Variants in CSMD1 observed in about 807,000 individuals in gnomAD.
CSMD1 encodes the protein CUB and Sushi multiple domains 1, also known as CUB and sushi domain-containing protein 1.
CSMD1 carries 213 observed loss-of-function variants against 417.5 expected under a neutral mutation model. That is an observed-to-expected ratio of 0.51 (90% CI 0.46 to 0.57). CSMD1 has a LOEUF of 0.57. Ranked by LOEUF, CSMD1 falls within the 20% of genes least tolerant of loss-of-function variation. The pLI, the probability that CSMD1 is intolerant of heterozygous loss-of-function variation, is 0.00. For synonymous variants in CSMD1, 2,862 were observed against 1,736.8 expected, an observed-to-expected ratio of 1.65 and a Z score of -16.11; for missense variants, 6,923 against 4,529.7, an observed-to-expected ratio of 1.53 and a Z score of -15.17.
intron 2 of CSMD1, among the ~76,000 whole-genome samples, chr8:4,615,006 A>T (rs963830097): frequency 6.6e-6 from 1 of 152,174 alleles, no homozygotes; most frequent in Non-Finnish European, 1.5e-5. Flanking sequence ...CTGAAATCAG[A>T]ATTGGTGGAC....
chr8:3,259,128 A>C (rs553437756), intron 26 of CSMD1, among the ~76,000 whole-genome samples: 2 of 152,238 alleles, frequency 1.3e-5, no homozygotes, highest in Non-Finnish European at 2.9e-5. Flanking sequence ...ACAAATTATT[A>C]TTCCAAGGGC....
intron 4 of CSMD1, among the ~76,000 whole-genome samples, chr8:4,026,374 A>G (rs368294665): frequency 6.6e-6 from 1 of 152,226 alleles, no homozygotes; most frequent in African/African-American, 2.4e-5. Flanking sequence ...TGATAAAAGC[A>G]CACTGATCTC....
At chr8:3,358,807 T>C (rs774732181) in intron 21 of CSMD1, among the ~76,000 whole-genome samples, 13 of 152,180 alleles carry the variant, frequency 8.5e-5, no homozygotes, top group Non-Finnish European at 1.5e-4. Context: ...TGTGTTATTA[T>C]AGCTTGGCTT....
intron 34 of CSMD1, 94 bp from the exon 35 acceptor site, chr8:3,189,105 G>T: frequency 8.5e-7 from 1 of 1,182,290 alleles, no homozygotes; most frequent in South Asian, 1.9e-5. Context: ...CACACAGTAA[G>T]AGAAAATGTA....
chr8:4,488,550 G>A (rs539277290), intron 2 of CSMD1, among the ~76,000 whole-genome samples: 2 of 151,874 alleles, frequency 1.3e-5, no homozygotes, highest in African/African-American at 4.8e-5. Flanking sequence ...TGGTGGAGTC[G>A]GCAGCAGAGC....
intron 3 of CSMD1, among the ~76,000 whole-genome samples, chr8:4,405,212 C>G (rs879724305): frequency 9.9e-5 from 15 of 152,164 alleles, no homozygotes; most frequent in Admixed American, 2.0e-4. Flanking sequence ...TCAAAGGAGA[C>G]TAACCCGTGG....
chr8:3,164,185 G>C (rs1442294390), intron 37 of CSMD1, among the ~76,000 whole-genome samples: 1 of 152,138 alleles, frequency 6.6e-6, no homozygotes, highest in Non-Finnish European at 1.5e-5. Context: ...ACGGAATCCA[G>C]GTCAGAATGG....
chr8:3,748,274 G>C (rs1797155435), intron 6 of CSMD1, among the ~76,000 whole-genome samples: 4 of 151,984 alleles, frequency 2.6e-5, no homozygotes, highest in African/African-American at 9.7e-5. Context: ...GAGGTTTAGT[G>C]GTTTTAAGAA....
At chr8:3,983,967 G>A (rs898115002) in intron 5 of CSMD1, among the ~76,000 whole-genome samples, 1 of 152,330 alleles carries the variant, frequency 6.6e-6, no homozygotes, top group South Asian at 2.1e-4. Context: ...GATCTGATGG[G>A]GCTGTCAATT....
chr8:3,827,511 A>T (rs763290924), intron 5 of CSMD1, among the ~76,000 whole-genome samples: 1 of 152,204 alleles, frequency 6.6e-6, no homozygotes, highest in Non-Finnish European at 1.5e-5. Flanking sequence ...CCTCTGTGAC[A>T]TCTAGGTTTC....
chr8:4,052,298 G>C (rs1798474022), intron 3 of CSMD1, among the ~76,000 whole-genome samples: 1 of 152,176 alleles, frequency 6.6e-6, no homozygotes, highest in East Asian at 1.9e-4. Flanking sequence ...GATTAGAGAA[G>C]AACGCTGACA....
intron 1 of CSMD1, among the ~76,000 whole-genome samples, chr8:4,941,585 G>GT (rs1221188442): frequency 1.5e-4 from 22 of 150,084 alleles, no homozygotes; most frequent in Admixed American, 6.7e-4. Flanking sequence ...GAAACAATCA[G>GT]TTTTTTTTAA....
chr8:3,169,496 T>C (rs1306424348), intron 37 of CSMD1, among the ~76,000 whole-genome samples: 2 of 149,608 alleles, frequency 1.3e-5, no homozygotes, highest in Admixed American at 1.3e-4. Flanking sequence ...AAAAAGGAAA[T>C]GTGGTTGCCT....
chr8:4,043,031 T>G (rs1385247165), intron 3 of CSMD1, among the ~76,000 whole-genome samples: 1 of 150,524 alleles, frequency 6.6e-6, no homozygotes, highest in Non-Finnish European at 1.5e-5. Context: ...ACTTGGGAGG[T>G]TGAAGCAGGA....
intron 1 of CSMD1, among the ~76,000 whole-genome samples, chr8:4,762,650 C>G (rs1278048063): frequency 2.0e-5 from 3 of 152,144 alleles, no homozygotes; most frequent in Admixed American, 6.5e-5. Context: ...GTCTCCACCT[C>G]TGCTGTAGCT....
In CSMD1 at chr8:3,782,850, G is replaced by C. The variant is rs112350415; in HGVS notation, c.819-28808C>G. Among the ~76,000 whole-genome samples, 577 of 152,210 alleles carry C rather than the reference G, an allele frequency of 3.8e-3. 8 individuals carry two copies. The highest frequency in any genetic ancestry group is 0.013 in the African/African-American group (546 of 41,536). The stretch of plus-strand genomic sequence containing the variant: ...TGAACACTTATGGAGCGACTTTCTT[G>C]CCCTAGCTCGCCTGGGAATACTATA... On this transcript the variant is annotated intron_variant, in intron 5 of 69. Transcript: ENST00000635120.
intron 2 of CSMD1, among the ~76,000 whole-genome samples, chr8:4,525,346 G>C (rs1410534916): frequency 1.3e-5 from 2 of 152,100 alleles, no homozygotes; most frequent in African/African-American, 4.8e-5. Flanking sequence ...AGCAGACAGT[G>C]AGTGAGAAAC....
intron 3 of CSMD1, among the ~76,000 whole-genome samples, chr8:4,259,689 A>G (rs1803735037): frequency 1.3e-5 from 2 of 152,148 alleles, no homozygotes; most frequent in East Asian, 3.8e-4. Flanking sequence ...TGAAATTTCT[A>G]TTCATCATGT....
chr8:4,778,909 A>G (rs1797009353), intron 1 of CSMD1, among the ~76,000 whole-genome samples: 1 of 152,228 alleles, frequency 6.6e-6, no homozygotes, highest in Non-Finnish European at 1.5e-5. Context: ...TAACATTTAC[A>G]ATATATGGAA....
Sources: gnomAD v4.1 joint callset for allele counts (sites outside exome capture counted in the v4.1 genomes callset) on GRCh38, gnomAD v4.1.1 for gene constraint, MANE v1.5 for transcripts, NCBI Gene and HGNC (gene_info 2026-07-23, HGNC 2026-07-21) for gene names.